TDRD10: variants seen among roughly 807,000 people sequenced by gnomAD.
TDRD10 encodes the protein tudor domain-containing protein 10.
A neutral mutation model predicts 48.0 loss-of-function variants in TDRD10; 40 were observed. The observed-to-expected ratio is 0.83, with a 90% confidence interval of 0.65 to 1.09. The LOEUF (loss-of-function observed/expected upper bound fraction) is 1.09. TDRD10 is among the 50% of genes least tolerant of loss of function. The pLI, the probability that TDRD10 is intolerant of heterozygous loss-of-function variation, is 0.00. For missense variants in TDRD10, 378 were observed against 434.7 expected (o/e 0.87, Z 1.16); for synonymous variants, 162 against 170.4 (o/e 0.95, Z 0.38).
intron 4 of TDRD10, among the ~76,000 whole-genome samples, chr1:154,516,376 C>T (rs540003807): frequency 4.0e-5 from 6 of 151,430 alleles, no homozygotes; most frequent in African/African-American, 7.3e-5. Flanking sequence ...AGGAAGGGAT[C>T]GGGGCAGGGA....
intron 11 of TDRD10, among the ~76,000 whole-genome samples, chr1:154,546,367 C>T (rs963650393): frequency 3.4e-5 from 5 of 145,548 alleles, no homozygotes; most frequent in South Asian, 2.2e-4. Context: ...CCACCGCACC[C>T]GGCCAAAATA....
At chr1:154,544,654 T>C in intron 10 of TDRD10, 137 bp downstream of exon 10, 1 of 1,462,262 alleles carries the variant, frequency 6.8e-7, no homozygotes, top group Non-Finnish European at 9.2e-7. Context: ...CCTTATTTCC[T>C]CACTCAAGGA....
At chr1:154,538,903 C>T (rs1695076018) in intron 6 of TDRD10, among the ~76,000 whole-genome samples, 1 of 146,812 alleles carries the variant, frequency 6.8e-6, no homozygotes, top group Non-Finnish European at 1.5e-5. Flanking sequence ...GTTGGTTTAG[C>T]GAGGAAAGGT....
At chr1:154,535,555 A>G (rs1438010580) in intron 6 of TDRD10, among the ~76,000 whole-genome samples, 3 of 151,196 alleles carry the variant, frequency 2.0e-5, no homozygotes, top group Admixed American at 6.6e-5. Flanking sequence ...TGGCACACAC[A>G]TGTAGTCCCA....
chr1:154,520,616 A>G (rs929968109), intron 5 of TDRD10, among the ~76,000 whole-genome samples: 3 of 152,206 alleles, frequency 2.0e-5, no homozygotes, highest in African/African-American at 7.2e-5. Context: ...ATTTTTGGTC[A>G]TGTCCTTGCT....
rs1474803386 is a variant in TDRD10 at position 154,544,113 on chromosome 1, A to T, written c.651+3A>T. On this transcript the variant is annotated splice_donor_region_variant and intron_variant, in intron 9 of 12. Coordinates refer to ENST00000368482, the MANE Select transcript of TDRD10 (RefSeq NM_182499.4). ...TCTGGGCTATGCACGTCACTGAGGT[A>T]TGGACTGGTTGTTGGCCCCCTCAGG... 6.2e-7 allele frequency: 1 copy of T among 1,613,914 alleles called. No homozygotes were observed. The highest frequency in any genetic ancestry group is 8.5e-7 in the Non-Finnish European group (1 of 1,179,996).
chr1:154,506,617 C>T (rs901740164), intron 1 of TDRD10, among the ~76,000 whole-genome samples: 1 of 152,216 alleles, frequency 6.6e-6, no homozygotes, highest in East Asian at 1.9e-4. Context: ...CTCAGGTGAT[C>T]CACCCGCCTC....
chr1:154,517,760 A>G (rs890505730), intron 4 of TDRD10, among the ~76,000 whole-genome samples: 1 of 152,040 alleles, frequency 6.6e-6, no homozygotes, highest in Non-Finnish European at 1.5e-5. Context: ...TCAATTTCAC[A>G]TGGCTCACAC....
At chr1:154,532,379 G>A (rs1694680645) in intron 6 of TDRD10, among the ~76,000 whole-genome samples, 2 of 152,154 alleles carry the variant, frequency 1.3e-5, no homozygotes, top group South Asian at 4.1e-4. Flanking sequence ...AGTGCGGCCC[G>A]CAAAGCCCAC....
At position 154,544,908 on chromosome 1, in the gene TDRD10, G is replaced by C; in HGVS notation, c.911G>C (p.Trp304Ser). 1 of 1,614,162 alleles carries C rather than the reference G, an allele frequency of 6.2e-7. No individual in the cohort carries two copies. The highest frequency in any genetic ancestry group is 8.5e-7 in the Non-Finnish European group (1 of 1,180,040). ...CGCAGCCTAGACAGCGACGACTTCT[G>C]GACCATCCCACCCCTGACTCAGCCA... ...SLRSLDSDDF[W>S]TIPPLTQPFM... Residue 304 changes from tryptophan to serine, a missense_variant, in exon 11 of 13, where the codon TGG (tryptophan) becomes TCG (serine). Around this residue, in one of 2 missense-constraint regions of TDRD10, gnomAD observed 68 missense variants for 111.1 expected, o/e 0.61. Transcript: ENST00000368482.
At position 154,516,778 on chromosome 1, in the gene TDRD10, C is replaced by T. The variant is rs147732640; in HGVS notation, c.142-3526C>T. ...CCTGGGCAACATGACAAAACCCCATCTCTACGAAGAATACAGAAGTGAGCC... is the reference window on the plus strand; with the variant it reads ...CCTGGGCAACATGACAAAACCCCATTTCTACGAAGAATACAGAAGTGAGCC... On this transcript the variant is annotated intron_variant, in intron 4 of 12. Transcript: ENST00000368482. Among the ~76,000 whole-genome samples the T allele has an allele frequency of 3.1e-3, 477 of 152,262 alleles. 2 individuals carry two copies. Among genetic ancestry groups the T allele is most frequent in the African/African-American group, 0.011 (461 of 41,548 alleles).
intron 4 of TDRD10, among the ~76,000 whole-genome samples, chr1:154,509,072 T>A (rs1693303899): frequency 6.6e-6 from 1 of 150,954 alleles, no homozygotes; most frequent in African/African-American, 2.4e-5. Flanking sequence ...AAGTGTGATC[T>A]ATTGAATTGA....
At chr1:154,547,566 A>G in intron 12 of TDRD10, 87 bp downstream of exon 12, 1 of 1,614,224 alleles carries the variant, frequency 6.2e-7, no homozygotes, top group Non-Finnish European at 8.5e-7. Flanking sequence ...AGGCCTGGAC[A>G]CAGTATTTAC....
At chr1:154,505,529 C>T (rs942052042) in intron 1 of TDRD10, among the ~76,000 whole-genome samples, 1 of 152,060 alleles carries the variant, frequency 6.6e-6, no homozygotes, top group Non-Finnish European at 1.5e-5. Context: ...ATGGTTGTTC[C>T]CTCCTACACC....
At chr1:154,530,712 T>C (rs573014757) in intron 6 of TDRD10, among the ~76,000 whole-genome samples, 33 of 152,186 alleles carry the variant, frequency 2.2e-4, no homozygotes, top group Non-Finnish European at 2.8e-4. Flanking sequence ...TGTTTGAATC[T>C]AGGTTTTCTC....
chr1:154,513,005 G>A (rs930556277), intron 4 of TDRD10, among the ~76,000 whole-genome samples: 3 of 152,258 alleles, frequency 2.0e-5, no homozygotes, highest in Middle Eastern at 3.4e-3. Flanking sequence ...ATGATGAAAC[G>A]GGAATGGCCA....
chr1:154,543,204 G>C (rs1192982106), intron 8 of TDRD10, among the ~76,000 whole-genome samples: 1 of 152,144 alleles, frequency 6.6e-6, no homozygotes, highest in Non-Finnish European at 1.5e-5. Context: ...GAACCCAGGA[G>C]GCAGAGGTTG....
At chr1:154,519,890 A>AC (rs1195771638) in intron 4 of TDRD10, among the ~76,000 whole-genome samples, 1 of 152,050 alleles carries the variant, frequency 6.6e-6, no homozygotes, top group Non-Finnish European at 1.5e-5. Context: ...GAGGAAGGGA[A>AC]CCATATCCCC....
intron 11 of TDRD10, among the ~76,000 whole-genome samples, chr1:154,546,655 G>T (rs946555112): frequency 2.0e-5 from 3 of 152,072 alleles, no homozygotes; most frequent in Non-Finnish European, 4.4e-5. Flanking sequence ...GCTGGGAACA[G>T]CCAGGCATCA....
Sources: gnomAD v4.1 joint callset for allele counts (sites outside exome capture counted in the v4.1 genomes callset) on GRCh38, gnomAD v4.1.1 for gene constraint, gnomAD v4.1.1 regional missense constraint, MANE v1.5 for transcripts, NCBI Gene and HGNC (gene_info 2026-07-23, HGNC 2026-07-21) for gene names.